The following LPP variants were observed in gnomAD, a reference collection of about 807,000 sequenced individuals.
LPP encodes lipoma-preferred partner.
A neutral mutation model predicts 60.4 loss-of-function variants in LPP; 38 were observed. The ratio of observed to expected loss-of-function variants is 0.63; its 90% CI spans 0.49 to 0.83. The LOEUF (loss-of-function observed/expected upper bound fraction) is 0.83, where lower values mean the gene tolerates loss of function less well. LPP is among the 40% of genes least tolerant of loss of function. The pLI is 0.00. For missense variants in LPP, 902 were observed against 783.6 expected (o/e 1.15, Z -1.80); for synonymous variants, 328 against 290.8 (o/e 1.13, Z -1.30).
intron 6 of LPP, among the ~76,000 whole-genome samples, chr3:188,558,060 C>T (rs547646981): frequency 5.3e-5 from 8 of 152,146 alleles, no homozygotes; most frequent in South Asian, 2.1e-4. Flanking sequence ...ATAGGCACTC[C>T]GACAAAATAG....
chr3:188,791,488 T>G (rs1174353776), intron 9 of LPP, among the ~76,000 whole-genome samples: 1 of 152,226 alleles, frequency 6.6e-6, no homozygotes, highest in African/African-American at 2.4e-5. Context: ...GTGATGTATG[T>G]TCTGAATGAA....
At chr3:188,207,535 A>G (rs1333049429) in intron 1 of LPP, among the ~76,000 whole-genome samples, 2 of 149,748 alleles carry the variant, frequency 1.3e-5, no homozygotes, top group East Asian at 3.9e-4. Flanking sequence ...CTCCACCCAC[A>G]TTTTCTAAGC....
At chr3:188,438,047 C>G (rs1033265956) in intron 4 of LPP, among the ~76,000 whole-genome samples, 1 of 152,110 alleles carries the variant, frequency 6.6e-6, no homozygotes, top group African/African-American at 2.4e-5. Context: ...GCCACACTCA[C>G]TGAATTTAAA....
intron 9 of LPP, among the ~76,000 whole-genome samples, chr3:188,824,367 GAATTA>G (rs1754808864): frequency 6.6e-6 from 1 of 152,104 alleles, no homozygotes; most frequent in Admixed American, 6.5e-5. Context: ...GAGCTAATTA[GAATTA>G]AATTAAGTTA....
chr3:188,600,399 T>C (rs1055598340), intron 6 of LPP, among the ~76,000 whole-genome samples: 2 of 151,346 alleles, frequency 1.3e-5, no homozygotes, highest in African/African-American at 4.8e-5. Flanking sequence ...CAGTTGGGAA[T>C]AGATCCTTCT....
chr3:188,582,967 G>A (rs1447093503), intron 6 of LPP, among the ~76,000 whole-genome samples: 1 of 152,132 alleles, frequency 6.6e-6, no homozygotes, highest in Non-Finnish European at 1.5e-5. Context: ...CCCCTAACGG[G>A]TTTCCTTGTA....
At chr3:188,719,106 T>C (rs1224588502) in intron 8 of LPP, among the ~76,000 whole-genome samples, 2 of 152,224 alleles carry the variant, frequency 1.3e-5, no homozygotes, top group African/African-American at 4.8e-5. Flanking sequence ...CTTTTGCATG[T>C]ATCTTCTGTG....
intron 7 of LPP, among the ~76,000 whole-genome samples, chr3:188,669,325 C>T (rs1166862562): frequency 6.6e-6 from 1 of 152,084 alleles, no homozygotes; most frequent in Non-Finnish European, 1.5e-5. Flanking sequence ...ACCTGTAATC[C>T]CAGCACTTTG....
intron 7 of LPP, among the ~76,000 whole-genome samples, chr3:188,668,332 T>C (rs888185228): frequency 6.6e-6 from 1 of 152,208 alleles, no homozygotes; most frequent in Non-Finnish European, 1.5e-5. Context: ...TAGGAAATCA[T>C]TTAGTTTACA....
intron 1 of LPP, among the ~76,000 whole-genome samples, chr3:188,198,918 C>A (rs1358201670): frequency 6.6e-6 from 1 of 152,118 alleles, no homozygotes; most frequent in Non-Finnish European, 1.5e-5. Flanking sequence ...GCAAATTACC[C>A]CCAAACTCAG....
Position 188,330,931 on chromosome 3 carries a change from AT to A in LPP, c.-66-10724del, listed in dbSNP as rs377141350. Among the ~76,000 whole-genome samples, 605 of 151,950 alleles carry A rather than the reference AT, an allele frequency of 4.0e-3. 3 individuals carry two copies. The highest frequency in any genetic ancestry group is 0.014 in the Middle Eastern group (4 of 290). Reference sequence around the variant, plus strand: ...AGGCCTTGGTGACTTACTCTTTTTAATTTTTTTTCCCACAAAACTGATGTGT... The same window carrying A: ...AGGCCTTGGTGACTTACTCTTTTTAATTTTTTTCCCACAAAACTGATGTGT... On this transcript the variant is annotated intron_variant, in intron 2 of 11. Transcript: ENST00000617246.
Position 188,540,442 on chromosome 3 carries a change from C to G in LPP, c.429+15655C>G, listed in dbSNP as rs111652322. Among the ~76,000 whole-genome samples, 9 of 152,046 alleles carry G rather than the reference C, an allele frequency of 5.9e-5. 1 individual carries two copies. The highest frequency in any genetic ancestry group is 2.1e-4 in the South Asian group (1 of 4,830). Reference sequence around the variant, plus strand: ...ATTTAAAGACCAAGTTCATGTTGTTCAAGATAATGTGAACCCAAATTCATT... The same window carrying G: ...ATTTAAAGACCAAGTTCATGTTGTTGAAGATAATGTGAACCCAAATTCATT... On this transcript the variant is annotated intron_variant, in intron 6 of 11. Transcript: ENST00000617246.
chr3:188,370,053 G>A (rs1404347223), intron 3 of LPP, among the ~76,000 whole-genome samples: 2 of 152,156 alleles, frequency 1.3e-5, no homozygotes, highest in Non-Finnish European at 2.9e-5. Context: ...TCAGCCTCCC[G>A]AGTAGCTGGG....
chr3:188,575,222 A>G (rs555939521), intron 6 of LPP, among the ~76,000 whole-genome samples: 5 of 152,298 alleles, frequency 3.3e-5, no homozygotes, highest in African/African-American at 1.2e-4. Flanking sequence ...TGCTCTTTTC[A>G]GAAGCTTTCA....
At chr3:188,417,890 T>C (rs1382486231) in intron 4 of LPP, among the ~76,000 whole-genome samples, 1 of 152,114 alleles carries the variant, frequency 6.6e-6, no homozygotes, top group Admixed American at 6.6e-5. Flanking sequence ...AAGAATGGAG[T>C]TGTAAGCTAA....
intron 3 of LPP, among the ~76,000 whole-genome samples, chr3:188,391,505 T>C (rs1779692883): frequency 6.6e-6 from 1 of 152,176 alleles, no homozygotes; most frequent in African/African-American, 2.4e-5. Flanking sequence ...CAGGATTCAC[T>C]ATAGGAAACA....
At chr3:188,372,162 GA>G (rs956871003) in intron 3 of LPP, among the ~76,000 whole-genome samples, 3 of 151,864 alleles carry the variant, frequency 2.0e-5, no homozygotes, top group African/African-American at 4.8e-5. Flanking sequence ...GTTGAAAGGG[GA>G]AAAAACTTTT....
chr3:188,467,281 T>C (rs1800722340), intron 4 of LPP, among the ~76,000 whole-genome samples: 1 of 152,088 alleles, frequency 6.6e-6, no homozygotes, highest in African/African-American at 2.4e-5. Context: ...AGAAGTATCT[T>C]AAATAATATG....
chr3:188,713,347 G>T (rs1712384800), intron 8 of LPP, among the ~76,000 whole-genome samples: 1 of 151,366 alleles, frequency 6.6e-6, no homozygotes, highest in Non-Finnish European at 1.5e-5. Context: ...GAAGAGACAT[G>T]CCATTCAAAT....
Sources: allele counts gnomAD v4.1 joint callset (sites outside exome capture counted in the v4.1 genomes callset), GRCh38; gene constraint gnomAD v4.1.1; transcripts MANE v1.5; gene names NCBI Gene and HGNC (gene_info 2026-07-23, HGNC 2026-07-21).